Variants in SMURF1 observed in about 807,000 individuals in gnomAD.
The protein encoded by SMURF1 is SMAD specific E3 ubiquitin protein ligase 1.
SMURF1 carries 44 observed loss-of-function variants against 98.0 expected under a neutral mutation model. That is an observed-to-expected ratio of 0.45 (90% CI 0.35 to 0.58). SMURF1 has a LOEUF of 0.58. Ranked by LOEUF, SMURF1 falls within the 20% of genes least tolerant of loss-of-function variation. The pLI is 0.00. For missense variants in SMURF1, 687 were observed against 938.4 expected, an observed-to-expected ratio of 0.73 and a Z score of 3.50; for synonymous variants, 396 against 374.9, an observed-to-expected ratio of 1.06 and a Z score of -0.65.
chr7:99,063,241 TTATA>T (rs1178325637), intron 1 of SMURF1, among the ~76,000 whole-genome samples: 8 of 34,900 alleles, frequency 2.3e-4, no homozygotes, highest in African/African-American at 6.2e-4. Context: ...TAAGATTTAT[TTATA>T]TATATATATA....
chr7:99,053,430 C>T (rs932589560), intron 6 of SMURF1, among the ~76,000 whole-genome samples: 1 of 143,092 alleles, frequency 7.0e-6, no homozygotes, highest in Non-Finnish European at 1.6e-5. Context: ...AAAAAATGTT[C>T]ATTAATTTTT....
chr7:99,055,615 A>G (rs1462431455), intron 5 of SMURF1, among the ~76,000 whole-genome samples: 1 of 152,198 alleles, frequency 6.6e-6, no homozygotes, highest in East Asian at 1.9e-4. Flanking sequence ...GACTACAGGC[A>G]TGTGCCACTG....
intron 1 of SMURF1, among the ~76,000 whole-genome samples, chr7:99,079,148 G>A (rs1341553246): frequency 1.3e-5 from 2 of 152,228 alleles, no homozygotes; most frequent in Non-Finnish European, 2.9e-5. Context: ...CCCAGAGGAG[G>A]CCACTAGAGT....
chr7:99,047,945 A>C (rs901983053), intron 9 of SMURF1, 63 bp from the exon 10 acceptor site: 11 of 1,460,440 alleles, frequency 7.5e-6, no homozygotes, highest in Non-Finnish European at 9.5e-6. Context: ...GCAAGCACCC[A>C]CGTACGCGAC....
At chr7:99,107,258 ATAACT>A (rs1797214048) in intron 1 of SMURF1, among the ~76,000 whole-genome samples, 1 of 152,192 alleles carries the variant, frequency 6.6e-6, no homozygotes, top group African/African-American at 2.4e-5. Context: ...ATATTTCAAA[ATAACT>A]TAAAGAATAT....
intron 8 of SMURF1, chr7:99,050,894 T>A (rs1444312482): frequency 1.5e-6 from 2 of 1,314,762 alleles, no homozygotes; most frequent in Non-Finnish European, 2.1e-6. Context: ...TGTTATGGGG[T>A]GGGGGGGGGG....
intron 3 of SMURF1, 59 bp downstream of exon 3, chr7:99,060,540 A>G (rs1796008191): frequency 9.7e-6 from 12 of 1,237,946 alleles, no homozygotes; most frequent in African/African-American, 1.5e-5. Flanking sequence ...GTTTCTCGTA[A>G]AAGGTAGACA....
At chr7:99,052,173 G>T in intron 7 of SMURF1, 32 bp downstream of exon 7, 1 of 1,485,260 alleles carries the variant, frequency 6.7e-7, no homozygotes. Flanking sequence ...CAGGGCAGAT[G>T]GCATTGGCCA....
In SMURF1 at chr7:99,037,971, AGCTGCAAGTGCCTAG is replaced by A. The variant is rs879534553; in HGVS notation, c.1688+402_1688+416del. On this transcript the variant is annotated intron_variant, in intron 14 of 17. Transcript: ENST00000361368. ...ACACAGACGTGCCCACATAGTTCTC[AGCTGCAAGTGCCTAG>A]GCCGCAAGTGCCTAGGCCTGAACAC... Among the ~76,000 whole-genome samples, 326 of 150,334 alleles carry A rather than the reference AGCTGCAAGTGCCTAG, an allele frequency of 2.2e-3. 1 individual carries two copies. Among genetic ancestry groups the A allele is most frequent in the African/African-American group, 7.7e-3 (307 of 39,730 alleles).
chr7:99,068,827 A>G (rs1385250854), intron 1 of SMURF1, among the ~76,000 whole-genome samples: 1 of 151,876 alleles, frequency 6.6e-6, no homozygotes, highest in East Asian at 1.9e-4. Flanking sequence ...CCCAGAGTTT[A>G]TTCTTGCTTC....
rs1434516966 is a variant in SMURF1, at chr7:99,067,799, A to G, written c.56-5962T>C. Among the ~76,000 whole-genome samples, 9 of 152,184 alleles carry G rather than the reference A, an allele frequency of 5.9e-5. 1 individual carries two copies. Among genetic ancestry groups the G allele is most frequent in the Admixed American group, 5.9e-4 (9 of 15,278 alleles). On this transcript the variant is annotated intron_variant, in intron 1 of 17. Coordinates refer to ENST00000361368, the MANE Select transcript of SMURF1 (RefSeq NM_181349.3). ...AAATCCTGTCTCTACTAAAAATACA[A>G]AAAATTTAGCCAGGCGTGGTGGCGG... is the stretch of plus-strand genomic sequence containing the variant.
At chr7:99,049,980 G>C (rs1795707221) in intron 8 of SMURF1, 1 of 306,426 alleles carries the variant, frequency 3.3e-6, no homozygotes, top group African/African-American at 2.2e-5. Flanking sequence ...TGGGAGGCAA[G>C]TGAATCACCT....
At chr7:99,045,520 G>A in intron 11 of SMURF1, 178 bp downstream of exon 11, 1 of 558,952 alleles carries the variant, frequency 1.8e-6, no homozygotes, top group Non-Finnish European at 3.2e-6. Context: ...AGCATGCTCG[G>A]AGGAATTCCT....
At chr7:99,079,751 A>T (rs528544106) in intron 1 of SMURF1, among the ~76,000 whole-genome samples, 1 of 152,340 alleles carries the variant, frequency 6.6e-6, no homozygotes, top group African/African-American at 2.4e-5. Context: ...ATTAAAGAGA[A>T]AGTCAAAGTA....
chr7:99,051,446 A>G lies in SMURF1; in HGVS notation c.722-5T>C. 1 of 1,612,394 alleles carries G rather than the reference A, an allele frequency of 6.2e-7. No individual in the cohort carries two copies. The highest frequency in any genetic ancestry group is 8.5e-7 in the Non-Finnish European group (1 of 1,178,442). On this transcript the variant is annotated splice_polypyrimidine_tract_variant and splice_region_variant and intron_variant, in intron 7 of 17. Coordinates refer to ENST00000361368, the MANE Select transcript of SMURF1 (RefSeq NM_181349.3). ...CCTGGACTGTTGTTCTTTGTTCTACACAAGAAATTAGAGATCCAAATGAGA... is the reference window on the plus strand; with the variant it reads ...CCTGGACTGTTGTTCTTTGTTCTACGCAAGAAATTAGAGATCCAAATGAGA...
At chr7:99,059,401 A>AT (rs1795966545) in intron 3 of SMURF1, among the ~76,000 whole-genome samples, 3 of 100,082 alleles carry the variant, frequency 3.0e-5, no homozygotes, top group African/African-American at 8.6e-5. Context: ...CCATCTCAAA[A>AT]AAAAATAAAA....
intron 1 of SMURF1, among the ~76,000 whole-genome samples, chr7:99,141,608 C>T (rs7788750): frequency 0.11 from 16,365 of 152,138 alleles, 1,737 homozygotes; most frequent in African/African-American, 0.27. Context: ...AAACTACCTC[C>T]TACGTTACAA....
chr7:99,143,597 C>A, intron 1 of SMURF1, 129 bp downstream of exon 1: 1 of 707,410 alleles, frequency 1.4e-6, no homozygotes, highest in Non-Finnish European at 2.1e-6. Context: ...GGGCGCACGC[C>A]GAAGGGGGTG....
intron 9 of SMURF1, chr7:99,049,281 G>A (rs1795679737): frequency 1.9e-5 from 7 of 376,666 alleles, no homozygotes; most frequent in South Asian, 5.4e-5. Flanking sequence ...AGAGCGCTGC[G>A]TGCGGAAACT....
Sources: gnomAD v4.1 joint callset for allele counts (sites outside exome capture counted in the v4.1 genomes callset) on GRCh38, gnomAD v4.1.1 for gene constraint, MANE v1.5 for transcripts, NCBI Gene and HGNC (gene_info 2026-07-23, HGNC 2026-07-21) for gene names.